SOX6: variants seen among roughly 807,000 people sequenced by gnomAD.
The protein encoded by SOX6 is SRY-box transcription factor 6.
In SOX6, 11 loss-of-function variants were observed where a neutral mutation model predicts 97.8. The ratio of observed to expected loss-of-function variants is 0.11; its 90% confidence interval spans 0.07 to 0.19. The LOEUF (loss-of-function observed/expected upper bound fraction) is 0.19. SOX6 is among the 10% of genes least tolerant of loss of function. SOX6 has a pLI of 1.00. For missense variants in SOX6, 810 were observed against 1,039.5 expected (o/e 0.78, Z 3.04); for synonymous variants, 360 against 371.4 (o/e 0.97, Z 0.35).
chr11:16,498,491 C>G (rs1258132139), intron 4 of SOX6, among the ~76,000 whole-genome samples: 1 of 151,870 alleles, frequency 6.6e-6, no homozygotes, highest in African/African-American at 2.4e-5. Context: ...GCTAAATGCT[C>G]CAATTAAAAG....
chr11:16,168,044 A>G (rs553877351), intron 6 of SOX6, among the ~76,000 whole-genome samples: 3 of 152,314 alleles, frequency 2.0e-5, no homozygotes, highest in East Asian at 1.9e-4. Flanking sequence ...CATTGGAGAT[A>G]TCTCAACAGA....
chr11:16,445,136 A>G (rs1859586272), intron 1 of SOX6, among the ~76,000 whole-genome samples: 1 of 152,226 alleles, frequency 6.6e-6, no homozygotes, highest in African/African-American at 2.4e-5. Context: ...AATCAAGAAT[A>G]GAATACTTTT....
At chr11:16,228,053 C>T (rs953660100) in intron 4 of SOX6, among the ~76,000 whole-genome samples, 1 of 151,996 alleles carries the variant, frequency 6.6e-6, no homozygotes, top group Non-Finnish European at 1.5e-5. Flanking sequence ...CAAAAACTAG[C>T]CAGGCGTGGT....
intron 4 of SOX6, among the ~76,000 whole-genome samples, chr11:16,547,576 G>A (rs1370095413): frequency 2.6e-5 from 4 of 152,206 alleles, no homozygotes; most frequent in Admixed American, 6.5e-5. Flanking sequence ...TCACTCATAC[G>A]TGAGAGCTAA....
chr11:16,668,417 A>C (rs909390247), intron 3 of SOX6, among the ~76,000 whole-genome samples: 4 of 152,146 alleles, frequency 2.6e-5, no homozygotes, highest in Admixed American at 2.0e-4. Context: ...CAAAAAATAA[A>C]AAGCAAGAAA....
intron 1 of SOX6, among the ~76,000 whole-genome samples, chr11:16,383,282 A>G (rs1857884110): frequency 6.6e-6 from 1 of 152,010 alleles, no homozygotes; most frequent in Admixed American, 6.6e-5. Flanking sequence ...ATAACAGAGC[A>G]ATAAGAAGAA....
At chr11:16,053,985 A>C (rs111499179) in intron 10 of SOX6, among the ~76,000 whole-genome samples, 128 of 152,276 alleles carry the variant, frequency 8.4e-4, no homozygotes, top group Non-Finnish European at 8.1e-4. Flanking sequence ...AAAATCTAAT[A>C]AGTAAAAGAA....
At chr11:16,628,951 T>C (rs1334086405) in intron 3 of SOX6, among the ~76,000 whole-genome samples, 1 of 152,216 alleles carries the variant, frequency 6.6e-6, no homozygotes, top group Non-Finnish European at 1.5e-5. Flanking sequence ...TGATTTTGTA[T>C]CCTGAAACTT....
chr11:16,628,555 G>A (rs546324925), intron 3 of SOX6, among the ~76,000 whole-genome samples: 5 of 150,116 alleles, frequency 3.3e-5, no homozygotes, highest in South Asian at 4.2e-4. Flanking sequence ...CCCAGGAGGC[G>A]GAGGTTGCAG....
chr11:16,027,726 T>C (rs1855250588), intron 12 of SOX6, among the ~76,000 whole-genome samples: 1 of 152,156 alleles, frequency 6.6e-6, no homozygotes, highest in African/African-American at 2.4e-5. Context: ...GCAACAATAA[T>C]ACAGGATGCC....
intron 1 of SOX6, among the ~76,000 whole-genome samples, chr11:16,370,577 C>T (rs1857473800): frequency 6.6e-6 from 1 of 152,020 alleles, no homozygotes; most frequent in Admixed American, 6.6e-5. Context: ...AGTTTATCTC[C>T]AACCCACTCC....
chr11:16,381,095 C>T (rs185269571), intron 1 of SOX6, among the ~76,000 whole-genome samples: 7 of 151,890 alleles, frequency 4.6e-5, no homozygotes, highest in Admixed American at 1.3e-4. Flanking sequence ...AACATAAACC[C>T]TACAATACCT....
intron 1 of SOX6, among the ~76,000 whole-genome samples, chr11:16,349,491 C>T (rs942627745): frequency 6.6e-6 from 1 of 152,018 alleles, no homozygotes; most frequent in African/African-American, 2.4e-5. Flanking sequence ...CGGTGCGCGC[C>T]TGTAATCCCA....
intron 3 of SOX6, among the ~76,000 whole-genome samples, chr11:16,645,238 G>A (rs1314911817): frequency 6.6e-6 from 1 of 152,050 alleles, no homozygotes; most frequent in African/African-American, 2.4e-5. Context: ...GCAACATACT[G>A]TCTCCAAATC....
intron 3 of SOX6, among the ~76,000 whole-genome samples, chr11:16,684,521 G>A (rs1188337327): frequency 1.5e-4 from 22 of 150,346 alleles, no homozygotes; most frequent in African/African-American, 5.2e-4. Context: ...ATAGGTGGGA[G>A]CTGAACAATA....
chr11:16,734,578 C>T (rs996163906), intron 2 of SOX6, among the ~76,000 whole-genome samples: 1 of 152,142 alleles, frequency 6.6e-6, no homozygotes, highest in Admixed American at 6.5e-5. Flanking sequence ...TGTTGACCCA[C>T]CACCTCTAGA....
At chr11:15,974,871 C>T (rs1193636666) in intron 15 of SOX6, among the ~76,000 whole-genome samples, 1 of 152,114 alleles carries the variant, frequency 6.6e-6, no homozygotes, top group Admixed American at 6.5e-5. Context: ...AACATCATGG[C>T]CCCATAAGTT....
chr11:16,656,932 T>C (rs1847724365), intron 3 of SOX6, among the ~76,000 whole-genome samples: 1 of 152,210 alleles, frequency 6.6e-6, no homozygotes, highest in South Asian at 2.1e-4. Context: ...ATGTGTATGT[T>C]TGTTACAACT....
chr11:16,733,545 A>G (rs1590068777), intron 2 of SOX6, among the ~76,000 whole-genome samples: 1 of 98,016 alleles, frequency 1.0e-5, no homozygotes. Flanking sequence ...ACATGGACAC[A>G]GGGAGGGGAA....
Sources: gnomAD v4.1 joint callset for allele counts (sites outside exome capture counted in the v4.1 genomes callset) on GRCh38, gnomAD v4.1.1 for gene constraint, MANE v1.5 for transcripts, NCBI Gene and HGNC (gene_info 2026-07-23, HGNC 2026-07-21) for gene names.